The following BZW2 variants were observed in gnomAD, a reference collection of about 807,000 sequenced individuals.
The protein encoded by BZW2 is eIF5-mimic protein 1.
BZW2 carries 23 observed loss-of-function variants against 53.2 expected under a neutral mutation model. The ratio of observed to expected loss-of-function variants is 0.43; its 90% confidence interval spans 0.31 to 0.61. The LOEUF is 0.61. BZW2 is among the 20% of genes least tolerant of loss of function. The probability of loss-of-function intolerance (pLI) is 0.09; values close to 1 mark genes in which losing one functional copy is unlikely to be tolerated. For synonymous variants in BZW2, 227 were observed against 186.4 expected (o/e 1.22, Z -1.77); for missense variants, 409 against 503.1 (o/e 0.81, Z 1.79).
intron 1 of BZW2, among the ~76,000 whole-genome samples, chr7:16,656,549 GCGCGCGCACACACACA>G (rs1782127162): frequency 8.9e-6 from 1 of 112,480 alleles, no homozygotes; most frequent in African/African-American, 4.4e-5. Flanking sequence ...TCCCCAGCGC[GCGCGCGCACACACACA>G]CACACACACA....
chr7:16,685,889 T>TG lies in BZW2; in HGVS notation c.406-16_406-15insG. 2 of 1,475,046 alleles carry TG rather than the reference T, an allele frequency of 1.4e-6. No individual in the cohort carries two copies. The highest frequency in any genetic ancestry group is 1.8e-6 in the Non-Finnish European group (2 of 1,122,488). The allele number at this position is 1,475,046 out of a possible 1,614,324, so 91.4% of individuals were successfully genotyped here. A position where few individuals can be genotyped will look rare whatever the true frequency, so the allele number is the denominator to read the frequency against. On this transcript the variant is annotated splice_polypyrimidine_tract_variant and intron_variant, in intron 5 of 11. Coordinates refer to ENST00000258761, the MANE Select transcript of BZW2 (RefSeq NM_014038.3). ...CTTTTTCTTTTTCTTTTTTTTTTTT[T>TG]TTTTTTGACCCACAGCTTCTCCTCT...
chr7:16,674,790 T>C (rs1782718367), intron 3 of BZW2, among the ~76,000 whole-genome samples: 2 of 152,170 alleles, frequency 1.3e-5, no homozygotes, highest in East Asian at 3.9e-4. Flanking sequence ...AATAGAAGCA[T>C]AGAATGGAGG....
intron 3 of BZW2, among the ~76,000 whole-genome samples, chr7:16,676,640 A>G (rs1782775007): frequency 6.6e-6 from 1 of 152,192 alleles, no homozygotes; most frequent in Admixed American, 6.5e-5. Context: ...TAGGTAAGGG[A>G]TGAGTATTTT....
chr7:16,704,780 A>G (rs1783781149), intron 11 of BZW2, 111 bp downstream of exon 11: 2 of 1,172,762 alleles, frequency 1.7e-6, no homozygotes, highest in Non-Finnish European at 1.1e-6. Flanking sequence ...AAAATTCTAG[A>G]GTTATCTTTC....
intron 2 of BZW2, among the ~76,000 whole-genome samples, chr7:16,670,576 A>T (rs1782569659): frequency 6.6e-6 from 1 of 152,222 alleles, no homozygotes; most frequent in Non-Finnish European, 1.5e-5. Context: ...ATATTATAGG[A>T]AAGAAAATAT....
At chr7:16,691,458 AG>A (rs1783302901) in intron 7 of BZW2, among the ~76,000 whole-genome samples, 1 of 152,238 alleles carries the variant, frequency 6.6e-6, no homozygotes, top group Non-Finnish European at 1.5e-5. Flanking sequence ...AGCCTGGCTT[AG>A]TTCCACATGC....
At chr7:16,677,971 C>T (rs1258255368) in intron 3 of BZW2, among the ~76,000 whole-genome samples, 6 of 151,922 alleles carry the variant, frequency 3.9e-5, no homozygotes, top group East Asian at 1.9e-4. Context: ...CTACTGAGTC[C>T]GGACATGTGA....
chr7:16,666,421 AGAG>A (rs1782430264), intron 2 of BZW2, among the ~76,000 whole-genome samples: 1 of 151,548 alleles, frequency 6.6e-6, no homozygotes, highest in African/African-American at 2.4e-5. Flanking sequence ...TTATTTATTT[AGAG>A]ACGGAGTCTT....
intron 2 of BZW2, among the ~76,000 whole-genome samples, chr7:16,672,086 C>T (rs545952046): frequency 2.6e-5 from 4 of 152,190 alleles, no homozygotes; most frequent in South Asian, 2.1e-4. Flanking sequence ...TTTATCACCC[C>T]GGAAACTTCA....
In BZW2 at chr7:16,660,171, T is replaced by C. The variant is rs139100999; in HGVS notation, c.-7-5266T>C. On this transcript the variant is annotated intron_variant, in intron 1 of 11. Coordinates refer to ENST00000258761, the MANE Select transcript of BZW2 (RefSeq NM_014038.3). ...TACAAAGGACATGAACTCATCCTTT[T>C]TTATGTTGTTGCCCTATAATTTTTA... 7.9e-5 allele frequency among the ~76,000 whole-genome samples: 12 copies of C among 152,152 alleles called. No individual in the cohort carries two copies. The East Asian group carries it at 2.3e-3, about 29-fold the overall frequency.
intron 1 of BZW2, among the ~76,000 whole-genome samples, chr7:16,652,283 G>A (rs1040112856): frequency 6.6e-6 from 1 of 152,024 alleles, no homozygotes; most frequent in Non-Finnish European, 1.5e-5. Flanking sequence ...TTATTAAAAC[G>A]TTAATAAACA....
intron 1 of BZW2, among the ~76,000 whole-genome samples, chr7:16,656,275 A>G (rs940912453): frequency 6.6e-6 from 1 of 152,128 alleles, no homozygotes; most frequent in Non-Finnish European, 1.5e-5. Flanking sequence ...TCATTGATGA[A>G]GAATACAGAC....
intron 7 of BZW2, among the ~76,000 whole-genome samples, chr7:16,690,327 G>A (rs1167557106): frequency 6.6e-6 from 1 of 151,566 alleles, no homozygotes; most frequent in Non-Finnish European, 1.5e-5. Flanking sequence ...TCAGCCTCCC[G>A]AGTAGGTGGG....
intron 10 of BZW2, 121 bp from the exon 11 acceptor site, chr7:16,704,426 G>C: frequency 9.1e-7 from 1 of 1,100,986 alleles, no homozygotes. Context: ...CCTCTCTTCT[G>C]ATAAGTAACA....
At chr7:16,675,817 C>T (rs1461970724) in intron 3 of BZW2, among the ~76,000 whole-genome samples, 3 of 152,338 alleles carry the variant, frequency 2.0e-5, no homozygotes, top group East Asian at 1.9e-4. Flanking sequence ...TGGTGGCTCA[C>T]GCCTGTAATC....
intron 11 of BZW2, among the ~76,000 whole-genome samples, chr7:16,705,160 C>T (rs1428731048): frequency 6.6e-6 from 1 of 151,342 alleles, no homozygotes; most frequent in Non-Finnish European, 1.5e-5. Flanking sequence ...AGTTTGAGAG[C>T]AGGCTGGCCA....
At chr7:16,667,815 A>C (rs1351454452) in intron 2 of BZW2, among the ~76,000 whole-genome samples, 1 of 152,236 alleles carries the variant, frequency 6.6e-6, no homozygotes, top group Non-Finnish European at 1.5e-5. Flanking sequence ...CATGAGAAGA[A>C]TAAGTACAAG....
At position 16,689,966 on chromosome 7, in the gene BZW2, G is replaced by A. The variant is rs990322934; in HGVS notation, c.651+60G>A. The A allele has an allele frequency of 6.9e-6, 9 of 1,300,380 alleles. No individual in the cohort carries two copies. In the African/African-American group the frequency reaches 1.2e-4, roughly 17 times the overall value. The allele number at this position is 1,300,380 out of a possible 1,614,324, so 80.6% of individuals were successfully genotyped here. On this transcript the variant is annotated intron_variant, in intron 7 of 11. Transcript: ENST00000258761. The stretch of plus-strand genomic sequence containing the variant: ...ATGCCTTTCTTGGAGCTTAAGCAAT[G>A]CCTGCAATGTAGTATATGAGTAAGA...
chr7:16,652,791 C>T (rs1438467852), intron 1 of BZW2, among the ~76,000 whole-genome samples: 1 of 152,186 alleles, frequency 6.6e-6, no homozygotes, highest in Non-Finnish European at 1.5e-5. Context: ...TCCCAAAGTG[C>T]TGGGATTACA....
Sources: gnomAD v4.1 joint callset for allele counts (sites outside exome capture counted in the v4.1 genomes callset) on GRCh38, gnomAD v4.1.1 for gene constraint, MANE v1.5 for transcripts, NCBI Gene and HGNC (gene_info 2026-07-23, HGNC 2026-07-21) for gene names.